Variants in GABBR2 observed in about 807,000 individuals in gnomAD.
GABBR2 encodes G-protein coupled receptor 51.
GABBR2 carries 23 observed loss-of-function variants against 105.6 expected under a neutral mutation model. The ratio of observed to expected loss-of-function variants is 0.22; its 90% CI spans 0.16 to 0.31. The LOEUF (loss-of-function observed/expected upper bound fraction) is 0.31, where lower values mean the gene tolerates loss of function less well. Ranked by LOEUF, GABBR2 falls within the 10% of genes least tolerant of loss-of-function variation. The probability of loss-of-function intolerance (pLI) is 1.00; values close to 1 mark genes in which losing one functional copy is unlikely to be tolerated. For synonymous variants in GABBR2, 478 were observed against 499.7 expected, an observed-to-expected ratio of 0.96 and a Z score of 0.58; for missense variants, 734 against 1,245.5, an observed-to-expected ratio of 0.59 and a Z score of 6.18.
intron 2 of GABBR2, among the ~76,000 whole-genome samples, chr9:98,565,036 G>A (rs1234017663): frequency 6.6e-6 from 1 of 152,136 alleles, no homozygotes; most frequent in African/African-American, 2.4e-5. Context: ...CTTGAGCTGT[G>A]GGGAGCAGGT....
At chr9:98,670,754 T>C (rs1830397096) in intron 1 of GABBR2, among the ~76,000 whole-genome samples, 1 of 152,242 alleles carries the variant, frequency 6.6e-6, no homozygotes, top group South Asian at 2.1e-4. Context: ...TGTATGATTC[T>C]ACTCATCTGA....
chr9:98,596,584 C>T (rs1229178131), intron 1 of GABBR2, among the ~76,000 whole-genome samples: 2 of 152,160 alleles, frequency 1.3e-5, no homozygotes, highest in Non-Finnish European at 2.9e-5. Flanking sequence ...CCTGGCCCAG[C>T]CCAGCCCTGC....
chr9:98,543,005 A>C (rs1828333722), intron 2 of GABBR2, among the ~76,000 whole-genome samples: 1 of 152,200 alleles, frequency 6.6e-6, no homozygotes, highest in Non-Finnish European at 1.5e-5. Flanking sequence ...AGTTGCTGCA[A>C]ATATCTCAGT....
At chr9:98,680,703 A>T (rs1186684847) in intron 1 of GABBR2, among the ~76,000 whole-genome samples, 1 of 152,228 alleles carries the variant, frequency 6.6e-6, no homozygotes, top group Non-Finnish European at 1.5e-5. Flanking sequence ...TGCAAAGAGA[A>T]GGTTCATCAT....
chr9:98,328,211 G>A (rs1025240375), intron 13 of GABBR2, among the ~76,000 whole-genome samples: 5 of 151,744 alleles, frequency 3.3e-5, no homozygotes, highest in Non-Finnish European at 5.9e-5. Context: ...CCTCCCCCTA[G>A]ACTTCTTAGT....
chr9:98,505,783 G>A (rs565152081), intron 3 of GABBR2, among the ~76,000 whole-genome samples: 9 of 152,328 alleles, frequency 5.9e-5, no homozygotes, highest in Admixed American at 1.3e-4. Flanking sequence ...CCAGAAGCTG[G>A]GAGATGCAGG....
intron 13 of GABBR2, among the ~76,000 whole-genome samples, chr9:98,321,403 C>A (rs77275460): frequency 6.6e-6 from 1 of 152,146 alleles, no homozygotes; most frequent in South Asian, 2.1e-4. Context: ...TGCCTGTACC[C>A]CACCCTCAGC....
At position 98,606,483 on chromosome 9, in the gene GABBR2, C is replaced by T. The variant is rs1239339399; in HGVS notation, c.322-28411G>A. Among the ~76,000 whole-genome samples the T allele has an allele frequency of 7.4e-3, 964 of 130,484 alleles. 15 individuals carry two copies. The highest frequency in any genetic ancestry group is 0.024 in the African/African-American group (825 of 33,974). The allele number at this position is 130,484 out of a possible 152,430, so 85.6% of individuals were successfully genotyped here. ...GTGGTGTCTATTATCTTTTTTTTTT[C>T]TTTTTTTTTTTTTTTGAGATGGAGT... On this transcript the variant is annotated intron_variant, in intron 1 of 18. Coordinates refer to ENST00000259455, the MANE Select transcript of GABBR2 (RefSeq NM_005458.8).
chr9:98,394,480 C>G (rs973682139), intron 8 of GABBR2, among the ~76,000 whole-genome samples: 16 of 152,340 alleles, frequency 1.1e-4, no homozygotes, highest in African/African-American at 3.1e-4. Context: ...CCATCCTTTG[C>G]TTCACACCTC....
At chr9:98,674,456 C>CA (rs1830449016) in intron 1 of GABBR2, among the ~76,000 whole-genome samples, 1 of 21,706 alleles carries the variant, frequency 4.6e-5, no homozygotes, top group African/African-American at 4.1e-4. Flanking sequence ...TGCTGGGTGC[C>CA]TGGTGGGCAG....
At chr9:98,421,901 T>C (rs1167801530) in intron 7 of GABBR2, among the ~76,000 whole-genome samples, 2 of 152,192 alleles carry the variant, frequency 1.3e-5, no homozygotes, top group African/African-American at 2.4e-5. Context: ...GGGGAATATC[T>C]TTGAAACCCA....
chr9:98,434,889 G>A (rs1564067496), intron 7 of GABBR2, among the ~76,000 whole-genome samples: 1 of 152,214 alleles, frequency 6.6e-6, no homozygotes, highest in Non-Finnish European at 1.5e-5. Context: ...AAGACTAGGG[G>A]AATTGTGGGG....
intron 1 of GABBR2, among the ~76,000 whole-genome samples, chr9:98,597,311 G>C (rs151266031): frequency 6.6e-6 from 1 of 152,246 alleles, no homozygotes; most frequent in African/African-American, 2.4e-5. Context: ...CAACATGCCA[G>C]GGACAACATG....
intron 13 of GABBR2, among the ~76,000 whole-genome samples, chr9:98,344,368 T>C (rs1162248878): frequency 6.6e-6 from 1 of 152,238 alleles, no homozygotes; most frequent in Non-Finnish European, 1.5e-5. Flanking sequence ...TTTAAAAACC[T>C]TTTTAACATA....
intron 1 of GABBR2, among the ~76,000 whole-genome samples, chr9:98,706,938 G>A (rs1266719876): frequency 6.6e-6 from 1 of 152,142 alleles, no homozygotes; most frequent in Non-Finnish European, 1.5e-5. Context: ...AATGTCATTC[G>A]GAAATGATTT....
At chr9:98,473,702 C>T (rs1009277) in intron 5 of GABBR2, among the ~76,000 whole-genome samples, 3,169 of 152,168 alleles carry the variant, frequency 0.021, 63 homozygotes, top group Non-Finnish European at 0.029. Flanking sequence ...GAGAAAAGGG[C>T]AACAAGGTTA....
At chr9:98,660,376 G>A (rs930653072) in intron 1 of GABBR2, among the ~76,000 whole-genome samples, 4 of 152,150 alleles carry the variant, frequency 2.6e-5, no homozygotes, top group Admixed American at 6.5e-5. Context: ...CATCAATAAT[G>A]GGAATTACCA....
At chr9:98,338,256 G>T (rs544914065) in intron 13 of GABBR2, among the ~76,000 whole-genome samples, 1 of 152,146 alleles carries the variant, frequency 6.6e-6, no homozygotes, top group East Asian at 1.9e-4. Flanking sequence ...AATAATAAAA[G>T]AAAAAATATA....
chr9:98,654,089 C>T (rs1213512346), intron 1 of GABBR2, among the ~76,000 whole-genome samples: 1 of 152,222 alleles, frequency 6.6e-6, no homozygotes, highest in Non-Finnish European at 1.5e-5. Flanking sequence ...GCCATAACAT[C>T]GCTCTCACCT....
Sources: gnomAD v4.1 joint callset for allele counts (sites outside exome capture counted in the v4.1 genomes callset) on GRCh38, gnomAD v4.1.1 for gene constraint, MANE v1.5 for transcripts, NCBI Gene and HGNC (gene_info 2026-07-23, HGNC 2026-07-21) for gene names.